The following ABCA10 variants were observed in gnomAD, a reference collection of about 807,000 sequenced individuals.
The protein encoded by ABCA10 is ATP-binding cassette sub-family A member 10.
A neutral mutation model predicts 187.5 loss-of-function variants in ABCA10; 169 were observed. The ratio of observed to expected loss-of-function variants is 0.90; its 90% CI spans 0.80 to 1.02. ABCA10 has a LOEUF of 1.02. ABCA10 is among the 50% of genes least tolerant of loss of function. ABCA10 has a pLI of 0.00. For synonymous variants in ABCA10, 574 were observed against 601.8 expected (o/e 0.95, Z 0.68); for missense variants, 1,727 against 1,812.4 (o/e 0.95, Z 0.86).
rs188624020 is a variant in ABCA10 at position 69,210,616 on chromosome 17, T to C, written c.1006+4088A>G. Among the ~76,000 whole-genome samples the C allele has an allele frequency of 3.7e-3, 569 of 152,144 alleles. 4 individuals carry two copies. The highest frequency in any genetic ancestry group is 0.013 in the African/African-American group (545 of 41,448). On this transcript the variant is annotated intron_variant, in intron 9 of 38. Coordinates refer to ENST00000690296, the MANE Select transcript of ABCA10 (RefSeq NM_001377321.1). Reference sequence around the variant, plus strand: ...AAGTCCCCAAAGTTCATTATTCACATGCTTTTGCATCCTCATAGCTTAGCT... The same window carrying C: ...AAGTCCCCAAAGTTCATTATTCACACGCTTTTGCATCCTCATAGCTTAGCT...
chr17:69,161,983 T>A (rs553335842), intron 27 of ABCA10, among the ~76,000 whole-genome samples: 1 of 152,146 alleles, frequency 6.6e-6, no homozygotes, highest in Non-Finnish European at 1.5e-5. Flanking sequence ...GAGGAAAAAA[T>A]TCATCTCTTT....
At chr17:69,237,038 T>C (rs1465706171) in intron 1 of ABCA10, among the ~76,000 whole-genome samples, 1 of 152,230 alleles carries the variant, frequency 6.6e-6, no homozygotes, top group African/African-American at 2.4e-5. Context: ...TCTGGTCAAA[T>C]ATTAATGGCA....
Position 69,152,369 on chromosome 17 carries a change from T to C in ABCA10, c.4249A>G (p.Thr1417Ala), listed in dbSNP as rs2074135913. The change falls in exon 35 of 39, where the codon ACG (threonine) becomes GCG (alanine). Residue 1417 changes from threonine (T) to alanine (A), a missense_variant. By Grantham distance (58) the Thr-to-Ala change is moderately conservative. Coordinates refer to ENST00000690296, the MANE Select transcript of ABCA10 (RefSeq NM_001377321.1). ...CDRMAMMVSG[T>A]LRCIGSIQHL... ...GTCAGGACAGGCACCCACCTTAGCG[T>C]TCCTGACACCATCATGGCCATACGG... The C allele has an allele frequency of 1.2e-6, 2 of 1,613,658 alleles. No homozygotes were observed. The highest frequency in any genetic ancestry group is 2.7e-5 in the African/African-American group (2 of 74,998).
chr17:69,152,439 G>T lies in ABCA10; in HGVS notation c.4179C>A (p.Thr1393=). The T allele has an allele frequency of 6.2e-7, 1 of 1,613,752 alleles. No individual in the cohort carries two copies. The highest frequency in any genetic ancestry group is 8.5e-7 in the Non-Finnish European group (1 of 1,179,806). The change falls in exon 35 of 39, where the codon ACC becomes ACA. Residue 1393 remains threonine, a synonymous_variant. Transcript: ENST00000690296. ...QATVKNKERG[T]LLTTHYMSEA... is the part of the protein sequence containing the mutation. ...CTGACATGTAATGGGTGGTCAAGAG[G>T]GTGCCCCTCTCCTTGTTTTTAACGG...
intron 9 of ABCA10, among the ~76,000 whole-genome samples, chr17:69,202,511 A>G (rs2074553965): frequency 6.6e-6 from 1 of 152,210 alleles, no homozygotes; most frequent in African/African-American, 2.4e-5. Flanking sequence ...GAAGAAAATT[A>G]AAATTAAAGG....
intron 5 of ABCA10, among the ~76,000 whole-genome samples, chr17:69,220,476 A>C (rs1407023331): frequency 6.6e-6 from 1 of 152,180 alleles, no homozygotes; most frequent in Non-Finnish European, 1.5e-5. Context: ...TGAGCTTAGA[A>C]ATAAGAGGCC....
chr17:69,174,036 T>C (rs2074315303), intron 25 of ABCA10, among the ~76,000 whole-genome samples: 1 of 152,106 alleles, frequency 6.6e-6, no homozygotes, highest in African/African-American at 2.4e-5. Context: ...ACATATATTT[T>C]ACTTCTTTCC....
chr17:69,182,935 T>G, intron 20 of ABCA10, 127 bp from the exon 21 acceptor site: 1 of 1,198,882 alleles, frequency 8.3e-7, no homozygotes, highest in Non-Finnish European at 1.2e-6. Flanking sequence ...TAAAGAGCCT[T>G]GCTCTTTAGG....
intron 5 of ABCA10, 72 bp from the exon 6 acceptor site, chr17:69,219,843 AT>A: frequency 9.4e-7 from 1 of 1,064,212 alleles, no homozygotes. Context: ...TACACTTTTT[AT>A]TTTCGATTTC....
At chr17:69,204,301 T>C (rs2074573126) in intron 9 of ABCA10, among the ~76,000 whole-genome samples, 1 of 152,246 alleles carries the variant, frequency 6.6e-6, no homozygotes, top group African/African-American at 2.4e-5. Flanking sequence ...CTGGTGACTA[T>C]ATGGCTGGAT....
At chr17:69,176,689 T>C (rs555328928) in intron 22 of ABCA10, among the ~76,000 whole-genome samples, 1 of 152,248 alleles carries the variant, frequency 6.6e-6, no homozygotes, top group South Asian at 2.1e-4. Context: ...AATGGGCCAA[T>C]GTCATTGGTT....
intron 15 of ABCA10, 107 bp downstream of exon 15, chr17:69,193,003 C>A (rs1233367190): frequency 6.9e-6 from 10 of 1,455,460 alleles, no homozygotes; most frequent in Non-Finnish European, 8.2e-6. Context: ...TGGGCTTCTG[C>A]AAATAAACTG....
intron 34 of ABCA10, 60 bp downstream of exon 34, chr17:69,153,245 A>G (rs2074143824): frequency 6.5e-7 from 1 of 1,527,082 alleles, no homozygotes; most frequent in African/African-American, 1.4e-5. Context: ...AACAAAAACA[A>G]AAACAAAATA....
chr17:69,213,224 A>G (rs1402032925), intron 9 of ABCA10, among the ~76,000 whole-genome samples: 2 of 152,110 alleles, frequency 1.3e-5, no homozygotes, highest in African/African-American at 4.8e-5. Flanking sequence ...AGTGGCCAGG[A>G]TAAGTACTCT....
chr17:69,223,756 G>C, intron 3 of ABCA10: 1 of 382,292 alleles, frequency 2.6e-6, no homozygotes, highest in Non-Finnish European at 5.1e-6. Context: ...GAATATTTAT[G>C]CTAAAAAGCA....
Position 69,148,714 on chromosome 17 carries a change from T to G in ABCA10, c.*113A>C, listed in dbSNP as rs527253106. On this transcript the variant is annotated 3_prime_UTR_variant, in exon 39 of 39. Coordinates refer to ENST00000690296, the MANE Select transcript of ABCA10 (RefSeq NM_001377321.1). ...AATGAAAACTGTAATCATTATTGAA[T>G]GTTTATTAAATGTTTTCTTTTGTTA... is the stretch of plus-strand genomic sequence containing the variant. The G allele has an allele frequency of 4.7e-5, 42 of 896,130 alleles. No individual in the cohort carries two copies. In the Admixed American group the frequency reaches 9.5e-4, roughly 20 times the overall value. The allele number at this position is 896,130 out of a possible 1,614,324, so 55.5% of individuals were successfully genotyped here. A position where few individuals can be genotyped will look rare whatever the true frequency, so the allele number is the denominator to read the frequency against.
At chr17:69,211,344 T>C (rs1214318274) in intron 9 of ABCA10, among the ~76,000 whole-genome samples, 8 of 40,288 alleles carry the variant, frequency 2.0e-4, no homozygotes, top group South Asian at 7.7e-4. Context: ...TATATATATA[T>C]ATATATATAT....
At chr17:69,152,599 A>C in intron 34 of ABCA10, 118 bp from the exon 35 acceptor site, 1 of 1,380,518 alleles carries the variant, frequency 7.2e-7, no homozygotes. Context: ...AAACCTGTGC[A>C]ACATGGTGAA....
chr17:69,215,793 C>T (rs768182438), intron 8 of ABCA10, 22 bp downstream of exon 8: 1 of 1,439,546 alleles, frequency 6.9e-7, no homozygotes, highest in Non-Finnish European at 9.1e-7. Context: ...ATAATAAAAT[C>T]TTGAAATAAT....
Sources: gnomAD v4.1 joint callset for allele counts (sites outside exome capture counted in the v4.1 genomes callset) on GRCh38, gnomAD v4.1.1 for gene constraint, MANE v1.5 for transcripts, NCBI Gene and HGNC (gene_info 2026-07-23, HGNC 2026-07-21) for gene names.